The following RGS12 variants were observed in gnomAD, a reference collection of about 807,000 sequenced individuals.
The protein encoded by RGS12 is regulator of G-protein signaling 12.
A neutral mutation model predicts 120.1 loss-of-function variants in RGS12; 66 were observed. The observed-to-expected ratio is 0.55, with a 90% CI of 0.45 to 0.67. The LOEUF is 0.67. Among genes scored for constraint, RGS12 ranks in the 30% least tolerant of loss-of-function variants. The pLI is 0.00. For synonymous variants in RGS12, 827 were observed against 804.7 expected (o/e 1.03, Z -0.47); for missense variants, 1,859 against 1,957.7 (o/e 0.95, Z 0.95).
chr4:3,307,567 C>A lies in RGS12; in HGVS notation c.-101-8503C>A, dbSNP rs75266846. On this transcript the variant is annotated intron_variant, in intron 1 of 17. Coordinates refer to ENST00000336727, the MANE Select transcript of RGS12 (RefSeq NM_001394154.1). Reference sequence around the variant, plus strand: ...ATTGCATTCAGACACTTGAGAAAGTCAAGAATGTTTCAGTCAAATAGGTTC... The same window carrying A: ...ATTGCATTCAGACACTTGAGAAAGTAAAGAATGTTTCAGTCAAATAGGTTC... Among the ~76,000 whole-genome samples the A allele has an allele frequency of 3.2e-3, 480 of 152,300 alleles. 3 individuals are homozygous for A. Among genetic ancestry groups the A allele is most frequent in the Admixed American group, 4.2e-3 (64 of 15,302 alleles).
chr4:3,327,900 T>C (rs1560089286), intron 2 of RGS12, among the ~76,000 whole-genome samples: 1 of 152,156 alleles, frequency 6.6e-6, no homozygotes, highest in Non-Finnish European at 1.5e-5. Context: ...TGTCTACCCA[T>C]AGGAAAAGAA....
rs745760445 is a variant in RGS12, at chr4:3,425,555, G to C, written c.3326G>C (p.Gly1109Ala). Residue 1109 changes from glycine to alanine, a missense_variant, in exon 14 of 18, where the codon GGA (glycine) becomes GCA (alanine). Physicochemically the swap from Gly to Ala is moderately conservative, Grantham distance 60. Transcript: ENST00000336727. ...TTGGAGGAGAAGGATCCTTCCAGAG[G>C]AAAGGGTGAGTAGGGCTGGTGCAGC... ...VVLEEKDPSR[G>A]KASADKQKGV... The C allele has an allele frequency of 1.4e-5, 23 of 1,603,310 alleles. No homozygotes were observed. The highest frequency in any genetic ancestry group is 1.7e-5 in the Non-Finnish European group (20 of 1,175,616).
chr4:3,410,239 C>T lies in RGS12; in HGVS notation c.2021-3833C>T, dbSNP rs1347120993. Reference sequence around the variant, plus strand: ...AAGCCATCCTCTGGAATAGCTGGGACCACAGGTGCCTGCTACCCTGCCCAG... The same window carrying T: ...AAGCCATCCTCTGGAATAGCTGGGATCACAGGTGCCTGCTACCCTGCCCAG... On this transcript the variant is annotated intron_variant, in intron 4 of 17. Transcript: ENST00000336727. Among the ~76,000 whole-genome samples, 4 of 152,354 alleles carry T rather than the reference C, an allele frequency of 2.6e-5. No individual in the cohort carries two copies. The East Asian group carries it at 7.7e-4, about 29-fold the overall frequency.
chr4:3,368,785 C>T (rs186498505), intron 3 of RGS12, among the ~76,000 whole-genome samples: 5 of 149,614 alleles, frequency 3.3e-5, no homozygotes, highest in Admixed American at 2.0e-4. Context: ...TGGATGCTGA[C>T]GGGAAGGCAG....
intron 15 of RGS12, 108 bp from the exon 16 acceptor site, chr4:3,428,450 C>G: frequency 3.0e-6 from 3 of 1,013,096 alleles, no homozygotes; most frequent in Admixed American, 2.3e-5. Flanking sequence ...CATGTAAATT[C>G]TGTATCAATG....
intron 3 of RGS12, 144 bp downstream of exon 3, chr4:3,343,197 A>T: frequency 1.6e-6 from 1 of 613,020 alleles, no homozygotes; most frequent in Non-Finnish European, 2.9e-6. Flanking sequence ...TTTCTGGGGG[A>T]CAGCGTCCCA....
intron 1 of RGS12, among the ~76,000 whole-genome samples, chr4:3,293,858 CAG>C (rs1238068001): frequency 2.2e-5 from 2 of 92,278 alleles, no homozygotes; most frequent in African/African-American, 5.0e-5. Flanking sequence ...GGAGTGTAGA[CAG>C]AGAGAGGGCC....
At chr4:3,346,263 A>G (rs954843579) in intron 3 of RGS12, among the ~76,000 whole-genome samples, 13 of 152,312 alleles carry the variant, frequency 8.5e-5, no homozygotes, top group Admixed American at 2.0e-4. Flanking sequence ...AGGGGGACTC[A>G]AGGATCTCTT....
At chr4:3,426,837 T>C (rs1221364208) in intron 14 of RGS12, 1 of 152,072 alleles carries the variant, frequency 6.6e-6, no homozygotes, top group Non-Finnish European at 1.5e-5. Context: ...TAGGGAGGTG[T>C]GTCTTGGAAA....
At chr4:3,345,306 C>T (rs1452191256) in intron 3 of RGS12, among the ~76,000 whole-genome samples, 1 of 152,174 alleles carries the variant, frequency 6.6e-6, no homozygotes, top group Non-Finnish European at 1.5e-5. Context: ...AGCATGAGAA[C>T]CCTCCCTTCC....
intron 1 of RGS12, among the ~76,000 whole-genome samples, chr4:3,298,420 A>G (rs1223177197): frequency 2.6e-5 from 4 of 152,076 alleles, no homozygotes; most frequent in Non-Finnish European, 5.9e-5. Context: ...GTGCAGTCAT[A>G]GCTCGCTGCA....
rs754260767 is a variant in RGS12, at chr4:3,414,733, G to T, written c.2191-19G>T. The T allele has an allele frequency of 9.1e-6, 14 of 1,536,582 alleles. No homozygotes were observed. In the East Asian group the frequency reaches 2.9e-4, roughly 32 times the overall value. ...GACCCTGTGTCAGTGTTAATAAATG[G>T]TGTCTTTGTCTTTCTTAGGATTTTC... On this transcript the variant is annotated intron_variant, in intron 5 of 17. Transcript: ENST00000336727.
chr4:3,324,252 C>T lies in RGS12; in HGVS notation c.1881+6201C>T, dbSNP rs562022173. On this transcript the variant is annotated intron_variant, in intron 2 of 17. Transcript: ENST00000336727. ...GCGGTCGGGAACCCCCATCTCAGGA[C>T]GCAGGCAGGCAGGAAGACAACCAGC... 3.1e-4 allele frequency: 48 copies of T among 154,818 alleles called. No individual in the cohort carries two copies. The South Asian group carries it at 5.7e-3, about 19-fold the overall frequency. 9.6% of individuals were successfully genotyped at this position (154,818 alleles called of 1,614,324 possible).
intron 2 of RGS12, among the ~76,000 whole-genome samples, chr4:3,328,677 G>T (rs1443132135): frequency 6.6e-6 from 1 of 152,236 alleles, no homozygotes; most frequent in African/African-American, 2.4e-5. Context: ...TACAGGTATA[G>T]ATATAGTAGT....
intron 3 of RGS12, among the ~76,000 whole-genome samples, chr4:3,375,004 G>A (rs975208677): frequency 2.6e-5 from 4 of 152,116 alleles, no homozygotes; most frequent in African/African-American, 9.7e-5. Flanking sequence ...CTCAGCTTGC[G>A]TTTGCCATGC....
intron 1 of RGS12, among the ~76,000 whole-genome samples, chr4:3,310,198 G>A (rs865779623): frequency 8.8e-5 from 13 of 146,976 alleles, no homozygotes; most frequent in African/African-American, 1.0e-4. Context: ...ACCCGGGAAT[G>A]GCAGGTGTCC....
At chr4:3,319,291 A>C (rs957067368) in intron 2 of RGS12, among the ~76,000 whole-genome samples, 3 of 152,222 alleles carry the variant, frequency 2.0e-5, no homozygotes, top group Non-Finnish European at 4.4e-5. Context: ...CTCTGGCTCT[A>C]AAATAAAATA....
chr4:3,290,535 T>C (rs61790521), upstream of RGS12, among the ~76,000 whole-genome samples: 601 of 152,376 alleles, frequency 3.9e-3, 8 homozygotes, highest in Middle Eastern at 0.034. Flanking sequence ...TGTCGTAGCC[T>C]GTGTTGGAAT....
intron 2 of RGS12, among the ~76,000 whole-genome samples, chr4:3,324,975 C>A (rs376433288): frequency 6.6e-6 from 1 of 152,094 alleles, no homozygotes; most frequent in Admixed American, 6.5e-5. Flanking sequence ...TGATTGTAGG[C>A]CTTTTTCTTA....
Sources: allele counts gnomAD v4.1 joint callset (sites outside exome capture counted in the v4.1 genomes callset), GRCh38; gene constraint gnomAD v4.1.1; transcripts MANE v1.5; gene names NCBI Gene and HGNC (gene_info 2026-07-23, HGNC 2026-07-21).